The following PATJ variants were observed in gnomAD, a reference collection of about 807,000 sequenced individuals.
PATJ encodes inaD-like protein.
Under a neutral mutation model 224.9 loss-of-function variants are expected in PATJ, and 190 were observed. That is an observed-to-expected ratio of 0.84 (90% CI 0.75 to 0.95). The LOEUF (loss-of-function observed/expected upper bound fraction) is 0.95, where lower values mean the gene tolerates loss of function less well. PATJ is among the 40% of genes least tolerant of loss of function. The pLI, the probability that PATJ is intolerant of heterozygous loss-of-function variation, is 0.00. For missense variants in PATJ, 2,121 were observed against 2,270.3 expected, an observed-to-expected ratio of 0.93 and a Z score of 1.34; for synonymous variants, 769 against 820.3, an observed-to-expected ratio of 0.94 and a Z score of 1.07.
intron 33 of PATJ, among the ~76,000 whole-genome samples, chr1:62,096,153 G>A (rs1661372124): frequency 6.6e-6 from 1 of 152,122 alleles, no homozygotes; most frequent in African/African-American, 2.4e-5. Flanking sequence ...CTATGCAGCT[G>A]GCAAGCAAAA....
Position 62,121,172 on chromosome 1 carries a change from T to G in PATJ, c.4891-9T>G. On this transcript the variant is annotated splice_polypyrimidine_tract_variant and intron_variant, in intron 37 of 43. Transcript: ENST00000642238. ...CTGCACACAGGTGACCCCTGGGTCT[T>G]TCTTTCAGGGTAGTCAGCAGAGTGC... is the stretch of plus-strand genomic sequence containing the variant. The G allele has an allele frequency of 6.2e-7, 1 of 1,600,230 alleles. No individual in the cohort carries two copies. Among genetic ancestry groups the G allele is most frequent in the Non-Finnish European group, 8.6e-7 (1 of 1,169,390 alleles).
chr1:62,068,677 A>C (rs1656890664), intron 31 of PATJ, among the ~76,000 whole-genome samples: 1 of 152,178 alleles, frequency 6.6e-6, no homozygotes, highest in South Asian at 2.1e-4. Flanking sequence ...TGTCAGCTGG[A>C]CATGTCACCC....
chr1:61,903,137 C>G (rs1161453868), intron 24 of PATJ, among the ~76,000 whole-genome samples: 1 of 152,086 alleles, frequency 6.6e-6, no homozygotes, highest in Non-Finnish European at 1.5e-5. Context: ...GAATTATGAA[C>G]AGGTAAGTAT....
Position 61,977,257 on chromosome 1 carries a change from T to C in PATJ, c.3671-12911T>C, listed in dbSNP as rs189801886. ...CGTGTGCCACCACACCCAGCTAATT[T>C]TTTTGTATTTGTAGTAGAGATGGGG... On this transcript the variant is annotated intron_variant, in intron 27 of 43. Transcript: ENST00000642238. Among the ~76,000 whole-genome samples, 418 of 152,018 alleles carry C rather than the reference T, an allele frequency of 2.7e-3. 1 individual carries two copies. Among genetic ancestry groups the C allele is most frequent in the South Asian group, 0.011 (52 of 4,818 alleles).
chr1:61,792,562 G>A (rs908505068), intron 9 of PATJ, among the ~76,000 whole-genome samples: 13 of 151,122 alleles, frequency 8.6e-5, no homozygotes, highest in Non-Finnish European at 1.6e-4. Flanking sequence ...GATGAGTCTC[G>A]CTCTGTCGCC....
chr1:61,937,772 T>C (rs1176685240), intron 27 of PATJ, among the ~76,000 whole-genome samples: 1 of 150,698 alleles, frequency 6.6e-6, no homozygotes, highest in African/African-American at 2.4e-5. Context: ...TGCCTCAGCC[T>C]CCCAAGTAGC....
intron 20 of PATJ, among the ~76,000 whole-genome samples, chr1:61,873,666 C>T (rs1297589662): frequency 6.6e-6 from 1 of 152,172 alleles, no homozygotes; most frequent in Admixed American, 6.5e-5. Context: ...ATGTTAGAGG[C>T]AGGAGGCGGA....
intron 19 of PATJ, among the ~76,000 whole-genome samples, chr1:61,862,021 C>G (rs72674686): frequency 0.038 from 5,770 of 151,948 alleles, 211 homozygotes; most frequent in African/African-American, 0.088. Flanking sequence ...GCTACCACGT[C>G]TAGCTAATTT....
rs574548634 is a variant in PATJ, at chr1:61,869,232, A to G, written c.2835+4599A>G. Among the ~76,000 whole-genome samples the G allele has an allele frequency of 5.4e-3, 795 of 146,234 alleles. 4 individuals are homozygous for G. The highest frequency in any genetic ancestry group is 0.012 in the South Asian group (53 of 4,496). On this transcript the variant is annotated intron_variant, in intron 20 of 43. Coordinates refer to ENST00000642238, the MANE Select transcript of PATJ (RefSeq NM_001350145.3). The stretch of plus-strand genomic sequence containing the variant: ...CGCCATTCTCCTGCCTCAGCCTCCC[A>G]AGTAGCTGGGACTACAGGCGCCCGC...
At chr1:62,133,228 TA>T (rs1291398464) in intron 41 of PATJ, among the ~76,000 whole-genome samples, 6 of 149,632 alleles carry the variant, frequency 4.0e-5, no homozygotes, top group Admixed American at 4.0e-4. Context: ...GAATTTTTTT[TA>T]TCATGTACTG....
intron 14 of PATJ, among the ~76,000 whole-genome samples, chr1:61,822,429 GAA>G (rs11427840): frequency 8.6e-6 from 1 of 116,616 alleles, no homozygotes; most frequent in Non-Finnish European, 1.7e-5. Flanking sequence ...GACTGTGTCA[GAA>G]AAAAAAAAAA....
intron 31 of PATJ, among the ~76,000 whole-genome samples, chr1:62,065,068 T>C (rs1656184786): frequency 6.6e-6 from 1 of 152,240 alleles, no homozygotes; most frequent in African/African-American, 2.4e-5. Context: ...TCTCTTGTAT[T>C]CCTGAAAACC....
Position 61,884,451 on chromosome 1 carries a change from G to GTTT in PATJ, c.3131+63_3131+65dup, listed in dbSNP as rs72229771. On this transcript the variant is annotated intron_variant, in intron 22 of 43. Coordinates refer to ENST00000642238, the MANE Select transcript of PATJ (RefSeq NM_001350145.3). Reference sequence around the variant, plus strand: ...TTTGTTTTCACATTATAAAATAGTGGTTTTTTTTTTTTTTTTTTTTTTGCT... The same window carrying GTTT: ...TTTGTTTTCACATTATAAAATAGTGGTTTTTTTTTTTTTTTTTTTTTTTTTGCT... 87 of 642,838 alleles carry GTTT rather than the reference G, an allele frequency of 1.4e-4. 1 individual carries two copies. Among genetic ancestry groups the GTTT allele is most frequent in the African/African-American group, 1.0e-3 (42 of 41,454 alleles). The allele number at this position is 642,838 out of a possible 1,614,324, so 39.8% of individuals were successfully genotyped here. A position where few individuals can be genotyped will look rare whatever the true frequency, so the allele number is the denominator to read the frequency against.
rs1169487918 is a variant in PATJ, at chr1:61,763,067, A to G, written c.77A>G (p.Lys26Arg). ...LDRLKMKLQE[K>R]GDTSQNEKLS... The stretch of plus-strand genomic sequence containing the variant: ...CGCCTGAAAATGAAATTGCAGGAGA[A>G]GGGTGACACGTCGCAGAATGAGAAG... Residue 26 changes from lysine to arginine, a missense_variant, in exon 3 of 44, where the codon AAG (lysine) becomes AGG (arginine). Physicochemically the swap from Lys to Arg is conservative, Grantham distance 26. Coordinates refer to ENST00000642238, the MANE Select transcript of PATJ (RefSeq NM_001350145.3). 6.8e-6 allele frequency: 11 copies of G among 1,611,442 alleles called. No homozygotes were observed. Among genetic ancestry groups the G allele is most frequent in the Non-Finnish European group, 9.3e-6 (11 of 1,178,466 alleles).
intron 33 of PATJ, among the ~76,000 whole-genome samples, chr1:62,088,708 C>T (rs1327348995): frequency 6.6e-6 from 1 of 151,896 alleles, no homozygotes; most frequent in African/African-American, 2.4e-5. Context: ...CATACCTTCT[C>T]CAACTCTCTG....
intron 33 of PATJ, among the ~76,000 whole-genome samples, chr1:62,091,246 A>G (rs1252073251): frequency 1.3e-5 from 2 of 152,154 alleles, no homozygotes; most frequent in African/African-American, 4.8e-5. Context: ...GCTATAGACA[A>G]TGTGTTCTAC....
chr1:62,076,539 A>G (rs993326122), intron 31 of PATJ, among the ~76,000 whole-genome samples: 2 of 152,220 alleles, frequency 1.3e-5, no homozygotes, highest in Non-Finnish European at 2.9e-5. Context: ...ACATACCGAC[A>G]ACTGGAGGCC....
intron 33 of PATJ, among the ~76,000 whole-genome samples, chr1:62,090,047 A>C (rs1432742820): frequency 1.3e-5 from 2 of 152,198 alleles, no homozygotes; most frequent in African/African-American, 4.8e-5. Context: ...TCTTGACACC[A>C]CATCAGTCCT....
chr1:62,092,634 T>C (rs1402416128), intron 33 of PATJ, among the ~76,000 whole-genome samples: 1 of 152,014 alleles, frequency 6.6e-6, no homozygotes, highest in Non-Finnish European at 1.5e-5. Context: ...CAGGCTGGTC[T>C]TGAACTCCTG....
Sources: gnomAD v4.1 joint callset for allele counts (sites outside exome capture counted in the v4.1 genomes callset) on GRCh38, gnomAD v4.1.1 for gene constraint, MANE v1.5 for transcripts, NCBI Gene and HGNC (gene_info 2026-07-23, HGNC 2026-07-21) for gene names.